The following IQCM variants were observed in gnomAD, a reference collection of about 807,000 sequenced individuals.
IQCM encodes the protein IQ domain-containing protein M.
A neutral mutation model predicts 57.6 loss-of-function variants in IQCM; 45 were observed. That is an observed-to-expected ratio of 0.78 (90% CI 0.62 to 1.00). The LOEUF (loss-of-function observed/expected upper bound fraction) is 1.00, where lower values mean the gene tolerates loss of function less well. IQCM is among the 50% of genes least tolerant of loss of function. The probability of loss-of-function intolerance (pLI) is 0.00; values close to 1 mark genes in which losing one functional copy is unlikely to be tolerated. For missense variants in IQCM, 468 were observed against 511.6 expected (o/e 0.91, Z 0.82); for synonymous variants, 148 against 158.9 (o/e 0.93, Z 0.51).
rs1158984109 is a variant in IQCM, at chr4:149,553,517, G to C, written c.949-230C>G. Among the ~76,000 whole-genome samples the C allele has an allele frequency of 2.6e-5, 4 of 152,124 alleles. No individual in the cohort carries two copies. The East Asian group carries it at 7.7e-4, about 29-fold the overall frequency. On this transcript the variant is annotated intron_variant, in intron 10 of 13. Coordinates refer to ENST00000636793, the MANE Select transcript of IQCM (RefSeq NM_001363507.2). The stretch of plus-strand genomic sequence containing the variant: ...ATATATTCATACTTCCCATAGAATA[G>C]AGCTTCCAATATTGGCTTCTTTCAC...
In IQCM at chr4:149,659,036, G is replaced by A. The variant is rs868359855; in HGVS notation, c.565+23082C>T. The stretch of plus-strand genomic sequence containing the variant: ...GTTAAAAAGAAGTGGTTAAAAAAAA[G>A]GGTATCTTTTTTATTGCATCTATTT... On this transcript the variant is annotated intron_variant, in intron 7 of 13. Coordinates refer to ENST00000636793, the MANE Select transcript of IQCM (RefSeq NM_001363507.2). Among the ~76,000 whole-genome samples, 5 of 152,064 alleles carry A rather than the reference G, an allele frequency of 3.3e-5. No individual in the cohort carries two copies. The East Asian group carries it at 9.7e-4, about 29-fold the overall frequency.
intron 7 of IQCM, among the ~76,000 whole-genome samples, chr4:149,645,813 C>T (rs1758586199): frequency 6.6e-6 from 1 of 152,062 alleles, no homozygotes; most frequent in Non-Finnish European, 1.5e-5. Context: ...TGGCACCCAA[C>T]TCCCTCTCCT....
chr4:149,572,323 A>G (rs958311195), intron 9 of IQCM, among the ~76,000 whole-genome samples: 1 of 151,786 alleles, frequency 6.6e-6, no homozygotes, highest in East Asian at 1.9e-4. Context: ...GTCTTGCTCT[A>G]TCACCAAGGC....
chr4:149,396,834 AT>A (rs761207846), intron 13 of IQCM, among the ~76,000 whole-genome samples: 26 of 151,960 alleles, frequency 1.7e-4, no homozygotes, highest in Admixed American at 5.3e-4. Flanking sequence ...TTACTGGTTT[AT>A]TTCTCTCAGC....
At chr4:149,746,982 C>T (rs557569215) in intron 2 of IQCM, among the ~76,000 whole-genome samples, 100 of 152,262 alleles carry the variant, frequency 6.6e-4, no homozygotes, top group African/African-American at 2.2e-3. Flanking sequence ...GCCACTAGGA[C>T]CTCCCTCCCA....
At chr4:149,385,402 T>G (rs1044867080) in intron 13 of IQCM, among the ~76,000 whole-genome samples, 24 of 151,998 alleles carry the variant, frequency 1.6e-4, no homozygotes, top group African/African-American at 4.8e-4. Flanking sequence ...ACAATTGTAA[T>G]AGGGTAAGTT....
At chr4:149,597,876 A>G (rs993950965) in intron 8 of IQCM, among the ~76,000 whole-genome samples, 3 of 152,134 alleles carry the variant, frequency 2.0e-5, no homozygotes. Flanking sequence ...CTACACTTAC[A>G]CACCTCATAA....
intron 12 of IQCM, among the ~76,000 whole-genome samples, chr4:149,441,455 C>A (rs1735932867): frequency 6.6e-6 from 1 of 152,108 alleles, no homozygotes; most frequent in African/African-American, 2.4e-5. Context: ...CCCAGCTGGG[C>A]AAACTTGAGA....
intron 2 of IQCM, among the ~76,000 whole-genome samples, chr4:149,766,664 TA>T (rs1320362033): frequency 1.3e-5 from 2 of 152,178 alleles, no homozygotes; most frequent in African/African-American, 4.8e-5. Flanking sequence ...GGTCTTTTGT[TA>T]ACATTTCTAT....
At chr4:149,655,677 G>C (rs1352241521) in intron 7 of IQCM, among the ~76,000 whole-genome samples, 3 of 152,022 alleles carry the variant, frequency 2.0e-5, no homozygotes, top group Non-Finnish European at 4.4e-5. Flanking sequence ...TGATAAACTT[G>C]TAAGAATGAT....
At chr4:149,612,601 A>G (rs1428328907) in intron 8 of IQCM, among the ~76,000 whole-genome samples, 1 of 152,154 alleles carries the variant, frequency 6.6e-6, no homozygotes, top group East Asian at 1.9e-4. Flanking sequence ...TAAATTGTAC[A>G]ATAAAATTGT....
At chr4:149,634,869 A>G (rs1757593170) in intron 7 of IQCM, among the ~76,000 whole-genome samples, 1 of 152,220 alleles carries the variant, frequency 6.6e-6, no homozygotes, top group East Asian at 1.9e-4. Flanking sequence ...AATGGATATC[A>G]AAGAATTTGC....
chr4:149,560,039 G>C (rs887238240), intron 10 of IQCM, among the ~76,000 whole-genome samples: 1 of 152,138 alleles, frequency 6.6e-6, no homozygotes, highest in Non-Finnish European at 1.5e-5. Flanking sequence ...CCCCTGCTCT[G>C]GTCCATGGAA....
At chr4:149,776,860 T>TA (rs200754413) in intron 2 of IQCM, among the ~76,000 whole-genome samples, 5 of 152,154 alleles carry the variant, frequency 3.3e-5, no homozygotes, top group East Asian at 1.9e-4. Context: ...AAAATAATAA[T>TA]AAAAAATCAC....
In IQCM at chr4:149,672,752, A is replaced by C. The variant is rs559002890; in HGVS notation, c.565+9366T>G. Among the ~76,000 whole-genome samples the C allele has an allele frequency of 2.3e-4, 35 of 152,294 alleles. No individual in the cohort carries two copies. The South Asian group carries it at 7.3e-3, about 32-fold the overall frequency. ...CCCCAGCCTAGGAAGGCACGCCAAC[A>C]TTCAAATTCAGGAAATACAGAGAAC... is the stretch of plus-strand genomic sequence containing the variant. On this transcript the variant is annotated intron_variant, in intron 7 of 13. Coordinates refer to ENST00000636793, the MANE Select transcript of IQCM (RefSeq NM_001363507.2).
intron 2 of IQCM, among the ~76,000 whole-genome samples, chr4:149,804,432 T>G (rs1773891314): frequency 6.6e-6 from 1 of 152,048 alleles, no homozygotes; most frequent in Admixed American, 6.6e-5. Flanking sequence ...CCACTGCCAA[T>G]GAGCTGTGAT....
At chr4:149,463,971 G>A (rs538682913) in intron 12 of IQCM, among the ~76,000 whole-genome samples, 293 of 152,276 alleles carry the variant, frequency 1.9e-3, no homozygotes, top group Non-Finnish European at 2.6e-3. Context: ...TTTGAATCAT[G>A]CTATTTTGAA....
At chr4:149,657,051 A>G (rs1447562591) in intron 7 of IQCM, among the ~76,000 whole-genome samples, 1 of 152,120 alleles carries the variant, frequency 6.6e-6, no homozygotes, top group African/African-American at 2.4e-5. Flanking sequence ...TTTGTAATAT[A>G]CAATACCTTA....
intron 5 of IQCM, among the ~76,000 whole-genome samples, chr4:149,689,654 GGA>G (rs1762806120): frequency 6.6e-6 from 1 of 151,916 alleles, no homozygotes; most frequent in South Asian, 2.1e-4. Flanking sequence ...CCACAGAGTG[GGA>G]GAAAATCTTC....
Sources: gnomAD v4.1 joint callset for allele counts (sites outside exome capture counted in the v4.1 genomes callset) on GRCh38, gnomAD v4.1.1 for gene constraint, MANE v1.5 for transcripts, NCBI Gene and HGNC (gene_info 2026-07-23, HGNC 2026-07-21) for gene names.